Variants in ZNF804B observed in about 807,000 individuals in gnomAD.
ZNF804B encodes zinc finger protein 804B.
Under a neutral mutation model 101.4 loss-of-function variants are expected in ZNF804B, and 80 were observed. The observed-to-expected ratio is 0.79, with a 90% CI of 0.66 to 0.95. The LOEUF (loss-of-function observed/expected upper bound fraction) is 0.95, where lower values mean the gene tolerates loss of function less well. Among genes scored for constraint, ZNF804B ranks in the 40% least tolerant of loss-of-function variants. The pLI is 0.00. For missense variants in ZNF804B, 1,673 were observed against 1,561.9 expected, an observed-to-expected ratio of 1.07 and a Z score of -1.20; for synonymous variants, 622 against 558.8, an observed-to-expected ratio of 1.11 and a Z score of -1.59.
intron 1 of ZNF804B, among the ~76,000 whole-genome samples, chr7:88,790,200 T>C (rs1790357279): frequency 6.6e-6 from 1 of 152,140 alleles, no homozygotes; most frequent in South Asian, 2.1e-4. Flanking sequence ...ATATTCATTT[T>C]TCTGTGGGTT....
intron 1 of ZNF804B, among the ~76,000 whole-genome samples, chr7:88,769,887 G>C (rs1249961892): frequency 6.6e-6 from 1 of 152,138 alleles, no homozygotes; most frequent in African/African-American, 2.4e-5. Flanking sequence ...CAGTATGTAA[G>C]AGAAGCTTGG....
chr7:88,925,466 T>A (rs923879165), intron 1 of ZNF804B, among the ~76,000 whole-genome samples: 13 of 151,986 alleles, frequency 8.6e-5, no homozygotes, highest in Non-Finnish European at 2.9e-5. Flanking sequence ...CTTATAAAAA[T>A]AGAAAATTTG....
At chr7:89,202,281 A>G (rs1788652977) in intron 1 of ZNF804B, among the ~76,000 whole-genome samples, 1 of 152,112 alleles carries the variant, frequency 6.6e-6, no homozygotes, top group Non-Finnish European at 1.5e-5. Context: ...TATCAGAGAA[A>G]GGTGTAGCTT....
At chr7:88,888,131 G>A (rs1362305483) in intron 1 of ZNF804B, among the ~76,000 whole-genome samples, 3 of 152,072 alleles carry the variant, frequency 2.0e-5, no homozygotes, top group Non-Finnish European at 4.4e-5. Flanking sequence ...GGTGGCTCAC[G>A]CCTGTAATCC....
intron 1 of ZNF804B, among the ~76,000 whole-genome samples, chr7:88,906,862 G>A (rs1792478116): frequency 6.6e-6 from 1 of 151,968 alleles, no homozygotes; most frequent in Non-Finnish European, 1.5e-5. Flanking sequence ...TTGTATAGCT[G>A]TTTAAGTCTT....
chr7:88,984,182 CT>C (rs1793729281), intron 1 of ZNF804B, among the ~76,000 whole-genome samples: 1 of 152,000 alleles, frequency 6.6e-6, no homozygotes, highest in African/African-American at 2.4e-5. Flanking sequence ...GATGCTCGAT[CT>C]TGTGAATTTT....
At chr7:89,194,497 T>C (rs1021682143) in intron 1 of ZNF804B, among the ~76,000 whole-genome samples, 2 of 150,466 alleles carry the variant, frequency 1.3e-5, no homozygotes, top group Non-Finnish European at 3.0e-5. Context: ...GTATAAGGTG[T>C]AAGGAAGGGA....
intron 1 of ZNF804B, among the ~76,000 whole-genome samples, chr7:89,091,271 T>C (rs969477025): frequency 6.6e-6 from 1 of 151,338 alleles, no homozygotes; most frequent in Admixed American, 6.6e-5. Context: ...AGATGTAAAT[T>C]AGATGTAAAT....
intron 1 of ZNF804B, among the ~76,000 whole-genome samples, chr7:89,157,436 T>C (rs1790994589): frequency 6.6e-6 from 1 of 152,176 alleles, no homozygotes; most frequent in Non-Finnish European, 1.5e-5. Context: ...GACACATCTT[T>C]GGTGAACATA....
intron 2 of ZNF804B, among the ~76,000 whole-genome samples, chr7:89,283,119 A>G (rs935030492): frequency 2.0e-5 from 3 of 152,202 alleles, no homozygotes; most frequent in Admixed American, 2.0e-4. Flanking sequence ...AATTTGAAAT[A>G]TGTTCAGGAT....
chr7:89,094,124 C>T (rs1213685539), intron 1 of ZNF804B, among the ~76,000 whole-genome samples: 2 of 152,148 alleles, frequency 1.3e-5, no homozygotes, highest in Non-Finnish European at 2.9e-5. Flanking sequence ...GAAGATGCGG[C>T]TAATATTTAT....
intron 1 of ZNF804B, among the ~76,000 whole-genome samples, chr7:89,168,298 CAT>C (rs1442637339): frequency 6.7e-6 from 1 of 148,736 alleles, no homozygotes; most frequent in African/African-American, 2.5e-5. Flanking sequence ...TGTGTTTGTG[CAT>C]ATGTGTGTGT....
intron 1 of ZNF804B, among the ~76,000 whole-genome samples, chr7:89,133,231 C>T (rs142865594): frequency 3.1e-4 from 47 of 152,080 alleles, no homozygotes; most frequent in African/African-American, 1.1e-3. Context: ...CCTGCAAAGG[C>T]AGAACCAGGA....
chr7:88,972,718 C>G (rs1379513297), intron 1 of ZNF804B, among the ~76,000 whole-genome samples: 1 of 151,020 alleles, frequency 6.6e-6, no homozygotes, highest in African/African-American at 2.4e-5. Context: ...GTGATAATCT[C>G]TACACTATTT....
intron 2 of ZNF804B, among the ~76,000 whole-genome samples, chr7:89,298,252 A>G (rs1360481835): frequency 8.2e-6 from 1 of 121,630 alleles, no homozygotes; most frequent in Admixed American, 9.0e-5. Context: ...ATATATATAT[A>G]TATATACTTT....
chr7:89,277,891 T>C (rs1047861267), intron 2 of ZNF804B, among the ~76,000 whole-genome samples: 3 of 152,062 alleles, frequency 2.0e-5, no homozygotes, highest in African/African-American at 7.2e-5. Flanking sequence ...GGTCAAATGG[T>C]ATTTCTAGTT....
chr7:89,012,753 C>A (rs761067423), intron 1 of ZNF804B, among the ~76,000 whole-genome samples: 5 of 152,314 alleles, frequency 3.3e-5, no homozygotes, highest in African/African-American at 9.6e-5. Flanking sequence ...CAAACCTCTG[C>A]CTGTTACCCA....
At chr7:89,176,059 G>A (rs1183084175) in intron 1 of ZNF804B, among the ~76,000 whole-genome samples, 1 of 151,896 alleles carries the variant, frequency 6.6e-6, no homozygotes, top group Admixed American at 6.6e-5. Flanking sequence ...TCTTTCTCAT[G>A]TCTAATTGCT....
At chr7:88,817,025 A>G (rs1232909963) in intron 1 of ZNF804B, among the ~76,000 whole-genome samples, 3 of 151,942 alleles carry the variant, frequency 2.0e-5, no homozygotes. Flanking sequence ...AATGTGGCAC[A>G]TATACACCAT....
Sources: gnomAD v4.1 joint callset for allele counts (sites outside exome capture counted in the v4.1 genomes callset) on GRCh38, gnomAD v4.1.1 for gene constraint, MANE v1.5 for transcripts, NCBI Gene and HGNC (gene_info 2026-07-23, HGNC 2026-07-21) for gene names.